Variants in ATP9B observed in about 807,000 individuals in gnomAD.
The protein encoded by ATP9B is probable phospholipid-transporting ATPase IIB.
Under a neutral mutation model 146.1 loss-of-function variants are expected in ATP9B, and 110 were observed. The ratio of observed to expected loss-of-function variants is 0.75; its 90% CI spans 0.65 to 0.88. ATP9B has a LOEUF of 0.88. Ranked by LOEUF, ATP9B falls within the 40% of genes least tolerant of loss-of-function variation. The pLI is 0.00. For missense variants in ATP9B, 1,499 were observed against 1,496.4 expected (o/e 1.00, Z -0.03); for synonymous variants, 604 against 569.7 (o/e 1.06, Z -0.86).
chr18:79,173,804 A>G, intron 7 of ATP9B: 1 of 453,526 alleles, frequency 2.2e-6, no homozygotes, highest in South Asian at 1.6e-5. Context: ...TGTTTTAGCC[A>G]TTCTAAACAA....
At chr18:79,362,524 C>T (rs1010795311) in intron 26 of ATP9B, 1 of 152,226 alleles carries the variant, frequency 6.6e-6, no homozygotes, top group Non-Finnish European at 1.5e-5. Context: ...AATTATTAAA[C>T]TTTACTCACG....
intron 2 of ATP9B, among the ~76,000 whole-genome samples, chr18:79,103,649 G>A (rs11661180): frequency 0.12 from 18,211 of 152,154 alleles, 1,156 homozygotes; most frequent in East Asian, 0.2. Flanking sequence ...GATATGATTA[G>A]GATTCAGACG....
At position 79,096,564 on chromosome 18, in the gene ATP9B, C is replaced by T; in HGVS notation, c.208C>T (p.His70Tyr). The change falls in exon 2 of 30, where the codon CAC (histidine) becomes TAC (tyrosine). Residue 70 changes from histidine (H) to tyrosine (Y), a missense_variant. Transcript: ENST00000426216. Reference protein sequence around the residue: ...EGFENEESDYHTLPRARIMQR... With the variant: ...EGFENEESDYYTLPRARIMQR... ...CTTTGAGAATGAGGAAAGTGATTACCACACCTTACCACGAGCCAGGATAAT... is the reference window on the plus strand; with the variant it reads ...CTTTGAGAATGAGGAAAGTGATTACTACACCTTACCACGAGCCAGGATAAT... 1 of 1,613,868 alleles carries T rather than the reference C, an allele frequency of 6.2e-7. No homozygotes were observed. The highest frequency in any genetic ancestry group is 1.3e-5 in the African/African-American group (1 of 74,978).
Position 79,126,341 on chromosome 18 carries a change from G to A in ATP9B, c.633G>A (p.Val211=). 6.2e-7 allele frequency: 1 copy of A among 1,612,102 alleles called. No homozygotes were observed. The highest frequency in any genetic ancestry group is 8.5e-7 in the Non-Finnish European group (1 of 1,178,640). The change falls in exon 5 of 30, where the codon GTG becomes GTA. Residue 211 remains valine, a synonymous_variant. Coordinates refer to ENST00000426216, the MANE Select transcript of ATP9B (RefSeq NM_198531.5). ...EFRRFQRDKE[V]NSQLYSKLTV... ...GGCGTTTTCAGCGTGACAAGGAAGT[G>A]AATTCACAACTATATAGCAAGCTTA...
rs114480618 is a variant in ATP9B at position 79,290,765 on chromosome 18, C to T, written c.1412-12839C>T. Among the ~76,000 whole-genome samples the T allele has an allele frequency of 7.5e-3, 1,147 of 152,324 alleles. 17 individuals are homozygous for T. The highest frequency in any genetic ancestry group is 0.026 in the African/African-American group (1,100 of 41,572). Reference sequence around the variant, plus strand: ...CCTATTCGGCTGTCTTGGCTGCCCCCCTTCCATTTCTTGTAAGGTCTAAGT... The same window carrying T: ...CCTATTCGGCTGTCTTGGCTGCCCCTCTTCCATTTCTTGTAAGGTCTAAGT... On this transcript the variant is annotated intron_variant, in intron 13 of 29. Coordinates refer to ENST00000426216, the MANE Select transcript of ATP9B (RefSeq NM_198531.5).
At chr18:79,125,791 A>G (rs1223903152) in intron 4 of ATP9B, among the ~76,000 whole-genome samples, 3 of 152,234 alleles carry the variant, frequency 2.0e-5, no homozygotes, top group Non-Finnish European at 2.9e-5. Context: ...CTGCAGTTAT[A>G]TAATAATGCA....
chr18:79,307,429 G>C (rs1304069339), intron 15 of ATP9B, 195 bp downstream of exon 15: 1 of 760,768 alleles, frequency 1.3e-6, no homozygotes, highest in East Asian at 2.8e-5. Flanking sequence ...CCTTGCACAT[G>C]CAAATGTGCG....
At chr18:79,144,130 C>T (rs2094548293) in intron 6 of ATP9B, 2 of 252,008 alleles carry the variant, frequency 7.9e-6, no homozygotes, top group Non-Finnish European at 1.5e-5. Flanking sequence ...TATTTTATAT[C>T]ATCACAGAAT....
intron 12 of ATP9B, among the ~76,000 whole-genome samples, chr18:79,255,608 A>C (rs1599327426): frequency 6.6e-6 from 1 of 152,362 alleles, no homozygotes; most frequent in Admixed American, 6.5e-5. Context: ...TCTCAGGCAA[A>C]GCAGGCTGCA....
chr18:79,351,755 G>C (rs2096923325), intron 25 of ATP9B, among the ~76,000 whole-genome samples: 1 of 151,996 alleles, frequency 6.6e-6, no homozygotes, highest in African/African-American at 2.4e-5. Context: ...CATACTCAGT[G>C]CACAGCAGGG....
chr18:79,244,131 C>A (rs944432862), intron 11 of ATP9B, among the ~76,000 whole-genome samples: 2 of 151,432 alleles, frequency 1.3e-5, no homozygotes, highest in Non-Finnish European at 2.9e-5. Flanking sequence ...CTCCCCACTA[C>A]CCCCCCTCCG....
chr18:79,327,664 C>T (rs1164685843), intron 15 of ATP9B, among the ~76,000 whole-genome samples: 5 of 141,090 alleles, frequency 3.5e-5, no homozygotes, highest in East Asian at 4.5e-4. Context: ...CCGTGTTTAG[C>T]GTGCTCTCCG....
chr18:79,119,653 G>A (rs2094154106), intron 4 of ATP9B, among the ~76,000 whole-genome samples: 1 of 152,142 alleles, frequency 6.6e-6, no homozygotes, highest in Non-Finnish European at 1.5e-5. Context: ...GCACCTAGAT[G>A]AGTTCTCTTG....
At chr18:79,255,424 A>G (rs557734001) in intron 12 of ATP9B, among the ~76,000 whole-genome samples, 1 of 152,282 alleles carries the variant, frequency 6.6e-6, no homozygotes, top group African/African-American at 2.4e-5. Context: ...AGCTTCCTCC[A>G]TTTGATGCCA....
At position 79,176,850 on chromosome 18, in the gene ATP9B, A is replaced by G. The variant is rs199736326; in HGVS notation, c.816A>G (p.Glu272=). ...CFIRTDQLDG[E]TDWKLKVAVS... ...TTCGAACTGATCAACTAGATGGTGA[A>G]ACTGACTGGAAGCTGAAGGTGGCAG... The change falls in exon 8 of 30, where the codon GAA becomes GAG. Residue 272 remains glutamate, a synonymous_variant. Coordinates refer to ENST00000426216, the MANE Select transcript of ATP9B (RefSeq NM_198531.5). The G allele has an allele frequency of 1.1e-4, 182 of 1,614,202 alleles. 2 individuals are homozygous for G. In the East Asian group the frequency reaches 3.8e-3, roughly 34 times the overall value.
At chr18:79,251,358 T>C (rs2096021566) in intron 11 of ATP9B, among the ~76,000 whole-genome samples, 1 of 152,250 alleles carries the variant, frequency 6.6e-6, no homozygotes, top group Admixed American at 6.5e-5. Context: ...ATGGTAGTGC[T>C]GACTGTCGGC....
At chr18:79,309,505 A>T (rs1205747442) in intron 15 of ATP9B, among the ~76,000 whole-genome samples, 19 of 142,310 alleles carry the variant, frequency 1.3e-4, no homozygotes, top group African/African-American at 5.2e-4. Flanking sequence ...TCAGGGGTGG[A>T]GGAGTGATCT....
chr18:79,179,852 T>C (rs2095229668), intron 8 of ATP9B, among the ~76,000 whole-genome samples: 1 of 152,204 alleles, frequency 6.6e-6, no homozygotes, highest in South Asian at 2.1e-4. Flanking sequence ...TTTTCTACCA[T>C]TCGTTCTCTG....
At chr18:79,234,662 T>C (rs1286660757) in intron 11 of ATP9B, among the ~76,000 whole-genome samples, 7 of 146,336 alleles carry the variant, frequency 4.8e-5, no homozygotes, top group African/African-American at 1.3e-4. Context: ...TTCGTGTGGG[T>C]GTGCTCCTGT....
Sources: allele counts gnomAD v4.1 joint callset (sites outside exome capture counted in the v4.1 genomes callset), GRCh38; gene constraint gnomAD v4.1.1; transcripts MANE v1.5; gene names NCBI Gene and HGNC (gene_info 2026-07-23, HGNC 2026-07-21).